The following LAMA2 variants were observed in gnomAD, a reference collection of about 807,000 sequenced individuals.
LAMA2 encodes laminin subunit alpha 2.
Under a neutral mutation model 364.8 loss-of-function variants are expected in LAMA2, and 269 were observed. The ratio of observed to expected loss-of-function variants is 0.74; its 90% CI spans 0.67 to 0.82. LAMA2 has a LOEUF of 0.82. Among genes scored for constraint, LAMA2 ranks in the 40% least tolerant of loss-of-function variants. The probability of loss-of-function intolerance (pLI) is 0.00; values close to 1 mark genes in which losing one functional copy is unlikely to be tolerated. For missense variants in LAMA2, 3,807 were observed against 3,873.2 expected (o/e 0.98, Z 0.45); for synonymous variants, 1,379 against 1,370.6 (o/e 1.01, Z -0.14).
At chr6:129,459,924 A>G (rs1163249520) in intron 48 of LAMA2, among the ~76,000 whole-genome samples, 2 of 152,098 alleles carry the variant, frequency 1.3e-5, no homozygotes, top group African/African-American at 4.8e-5. Flanking sequence ...GAAGCTAGGA[A>G]GTGTTTATTT....
chr6:129,170,611 G>A (rs1358107291), intron 9 of LAMA2, among the ~76,000 whole-genome samples: 6 of 148,302 alleles, frequency 4.0e-5, no homozygotes, highest in African/African-American at 1.5e-4. Flanking sequence ...AATAGGTGTG[G>A]TGTGGTGCTG....
intron 12 of LAMA2, among the ~76,000 whole-genome samples, chr6:129,201,382 T>G (rs1228649362): frequency 6.6e-6 from 1 of 152,142 alleles, no homozygotes; most frequent in Non-Finnish European, 1.5e-5. Flanking sequence ...TGCAGCTATC[T>G]GCAAAGAGAA....
Position 129,464,391 on chromosome 6 carries a change from T to C in LAMA2, c.7094T>C (p.Met2365Thr). Residue 2365 changes from methionine (M) to threonine (T), a missense_variant, in exon 50 of 65, where the codon ATG becomes ACG. Physicochemically the swap from Met to Thr is moderately conservative, Grantham distance 81. Coordinates refer to ENST00000421865, the MANE Select transcript of LAMA2 (RefSeq NM_000426.4). ...IRWYPNISTV[M>T]FKFRTFSSSA... Reference sequence around the variant, plus strand: ...TGGTACCCCAACATCTCCACTGTCATGTTCAAGTTCAGAACATTTTCTTCG... The same window carrying C: ...TGGTACCCCAACATCTCCACTGTCACGTTCAAGTTCAGAACATTTTCTTCG... 1 of 1,612,504 alleles carries C rather than the reference T, an allele frequency of 6.2e-7. No individual in the cohort carries two copies. Among genetic ancestry groups the C allele is most frequent in the Non-Finnish European group, 8.5e-7 (1 of 1,178,820 alleles).
At chr6:129,401,393 G>T (rs189096100) in intron 38 of LAMA2, 53 bp downstream of exon 38, 1 of 1,121,990 alleles carries the variant, frequency 8.9e-7, no homozygotes, top group East Asian at 2.3e-5. Context: ...AATGGGAGCC[G>T]ATGAGAAAGC....
At chr6:129,322,383 T>G (rs557285284) in intron 28 of LAMA2, among the ~76,000 whole-genome samples, 147 of 152,294 alleles carry the variant, frequency 9.7e-4, no homozygotes, top group Non-Finnish European at 1.3e-3. Context: ...ATGAAATGAG[T>G]GACCTTTCCA....
intron 4 of LAMA2, 30 bp downstream of exon 4, chr6:129,098,445 C>T (rs750384522): frequency 5.6e-6 from 9 of 1,612,206 alleles, no homozygotes; most frequent in Middle Eastern, 1.7e-4. Context: ...CATTTAAGCA[C>T]ATTTGATACG....
At chr6:129,006,171 ACAGGCTAGGAT>A (rs1784433916) in intron 1 of LAMA2, among the ~76,000 whole-genome samples, 1 of 152,152 alleles carries the variant, frequency 6.6e-6, no homozygotes, top group Non-Finnish European at 1.5e-5. Context: ...AGCAAATATC[ACAGGCTAGGAT>A]CAGCTTAAGA....
rs149842154 is a variant in LAMA2 at position 129,150,045 on chromosome 6, C to G, written c.1027+949C>G. Among the ~76,000 whole-genome samples, 744 of 152,204 alleles carry G rather than the reference C, an allele frequency of 4.9e-3. 6 individuals carry two copies. The highest frequency in any genetic ancestry group is 0.017 in the African/African-American group (714 of 41,540). ...TTTAGTTTGAGATTCTGCATATATG[C>G]TATTAGCTCTCCTTATTTTCTGCAC... On this transcript the variant is annotated intron_variant, in intron 7 of 64. Transcript: ENST00000421865.
chr6:129,232,936 C>T lies in LAMA2; in HGVS notation c.1783-17176C>T, dbSNP rs185615471. On this transcript the variant is annotated intron_variant, in intron 12 of 64. Coordinates refer to ENST00000421865, the MANE Select transcript of LAMA2 (RefSeq NM_000426.4). ...CTTTAAAGATGGAGAGTCCCTTGAA[C>T]CAAGGAATGTGAATGACCTCTAGAA... Among the ~76,000 whole-genome samples, 5 of 152,142 alleles carry T rather than the reference C, an allele frequency of 3.3e-5. No homozygotes were observed. The East Asian group carries it at 9.7e-4, about 29-fold the overall frequency.
At chr6:128,983,696 C>A (rs552648915) in intron 1 of LAMA2, among the ~76,000 whole-genome samples, 19 of 152,248 alleles carry the variant, frequency 1.2e-4, no homozygotes, top group African/African-American at 4.3e-4. Context: ...GTAACAGCTG[C>A]TTTAGAGCTG....
At chr6:129,137,624 A>G (rs1330981651) in intron 4 of LAMA2, among the ~76,000 whole-genome samples, 1 of 152,120 alleles carries the variant, frequency 6.6e-6, no homozygotes, top group Non-Finnish European at 1.5e-5. Context: ...TTAAAAATAT[A>G]GGTAAAATAC....
chr6:129,447,959 T>C (rs1352668840), intron 45 of LAMA2, among the ~76,000 whole-genome samples: 1 of 152,202 alleles, frequency 6.6e-6, no homozygotes, highest in East Asian at 1.9e-4. Flanking sequence ...TTCAGACATG[T>C]AAGCATATAA....
At chr6:129,413,125 A>G (rs886445345) in intron 40 of LAMA2, among the ~76,000 whole-genome samples, 7 of 152,200 alleles carry the variant, frequency 4.6e-5, no homozygotes, top group Admixed American at 2.0e-4. Context: ...TACACTATGC[A>G]AACTCTAACC....
rs187021034 is a variant in LAMA2, at chr6:128,983,126, C to T, written c.113-66792C>T. Among the ~76,000 whole-genome samples, 20 of 152,066 alleles carry T rather than the reference C, an allele frequency of 1.3e-4. 1 individual carries two copies. The East Asian group carries it at 3.5e-3, about 27-fold the overall frequency. ...GATTTATAGTCCTTTGGGTACATACCCAGTAATGGGATGGCTGGGTCAAAG... is the reference window on the plus strand; with the variant it reads ...GATTTATAGTCCTTTGGGTACATACTCAGTAATGGGATGGCTGGGTCAAAG... On this transcript the variant is annotated intron_variant, in intron 1 of 64. Coordinates refer to ENST00000421865, the MANE Select transcript of LAMA2 (RefSeq NM_000426.4).
intron 3 of LAMA2, among the ~76,000 whole-genome samples, chr6:129,066,068 C>T (rs1164383432): frequency 1.3e-4 from 2 of 15,398 alleles, no homozygotes; most frequent in Non-Finnish European, 1.6e-4. Context: ...TTTTTTGAGA[C>T]GCAGTCTCGC....
chr6:129,012,331 G>A (rs1784815387), intron 1 of LAMA2, among the ~76,000 whole-genome samples: 1 of 151,922 alleles, frequency 6.6e-6, no homozygotes, highest in Admixed American at 6.6e-5. Flanking sequence ...ATTATGCTTT[G>A]TTAAGTTATT....
At chr6:129,058,633 T>C (rs574319351) in intron 2 of LAMA2, among the ~76,000 whole-genome samples, 3 of 152,152 alleles carry the variant, frequency 2.0e-5, no homozygotes, top group Non-Finnish European at 2.9e-5. Flanking sequence ...CTCATATTAT[T>C]AAATAGTGAT....
rs569152048 is a variant in LAMA2 at position 129,315,407 on chromosome 6, C to A, written c.3556-69C>A. ...AGGAACTGCAGATAGACATGCAGTT[C>A]GTAACTTAGTTTTAAAGAAATGTCC... On this transcript the variant is annotated intron_variant, in intron 24 of 64. Transcript: ENST00000421865. The A allele has an allele frequency of 4.3e-6, 6 of 1,386,878 alleles. No individual in the cohort carries two copies. The African/African-American group carries it at 7.1e-5, about 16-fold the overall frequency. The allele number at this position is 1,386,878 out of a possible 1,614,324, so 85.9% of individuals were successfully genotyped here. A position where few individuals can be genotyped will look rare whatever the true frequency, so the allele number is the denominator to read the frequency against.
chr6:129,369,832 C>T (rs931373361), intron 33 of LAMA2, 60 bp from the exon 34 acceptor site: 49 of 1,360,716 alleles, frequency 3.6e-5, no homozygotes, highest in Admixed American at 1.0e-4. Context: ...TGTGTTCTGT[C>T]GAACACTATC....
Sources: allele counts gnomAD v4.1 joint callset (sites outside exome capture counted in the v4.1 genomes callset), GRCh38; gene constraint gnomAD v4.1.1; transcripts MANE v1.5; gene names NCBI Gene and HGNC (gene_info 2026-07-23, HGNC 2026-07-21).